The following SV2C variants were observed in gnomAD, a reference collection of about 807,000 sequenced individuals.
SV2C encodes synaptic vesicle glycoprotein 2C.
SV2C carries 49 observed loss-of-function variants against 79.7 expected under a neutral mutation model. The ratio of observed to expected loss-of-function variants is 0.61; its 90% CI spans 0.49 to 0.78. The LOEUF (loss-of-function observed/expected upper bound fraction) is 0.78. Among genes scored for constraint, SV2C ranks in the 30% least tolerant of loss-of-function variants. SV2C has a pLI of 0.00. For missense variants in SV2C, 833 were observed against 912.9 expected, an observed-to-expected ratio of 0.91 and a Z score of 1.13; for synonymous variants, 334 against 333.2, an observed-to-expected ratio of 1.00 and a Z score of -0.03.
chr5:76,210,105 G>T (rs1744726169), intron 4 of SV2C, among the ~76,000 whole-genome samples: 1 of 152,156 alleles, frequency 6.6e-6, no homozygotes, highest in South Asian at 2.1e-4. Flanking sequence ...TGTAATGGGG[G>T]GAAAATATTT....
At chr5:75,888,752 C>T in the SV2C span, among the ~76,000 whole-genome samples, 1 of 152,118 alleles carries the variant, frequency 6.6e-6, no homozygotes, top group African/African-American at 2.4e-5. Context: ...CTTATCTGAC[C>T]CTTGCTAAAC....
intron 1 of SV2C, among the ~76,000 whole-genome samples, chr5:76,103,939 C>G (rs1288056308): frequency 6.6e-6 from 1 of 152,146 alleles, no homozygotes; most frequent in Non-Finnish European, 1.5e-5. Flanking sequence ...ACCAATATCC[C>G]TCATGAACAT....
chr5:76,187,002 T>C (rs1743940803), intron 2 of SV2C, among the ~76,000 whole-genome samples: 1 of 152,060 alleles, frequency 6.6e-6, no homozygotes, highest in African/African-American at 2.4e-5. Context: ...TCACCACTTT[T>C]CTCCCTCAGC....
intron 1 of SV2C, among the ~76,000 whole-genome samples, chr5:76,126,662 T>C (rs1748714609): frequency 6.6e-6 from 1 of 152,198 alleles, no homozygotes; most frequent in Non-Finnish European, 1.5e-5. Flanking sequence ...AGGGATGTTA[T>C]GAGCCCCTCT....
intron 3 of SV2C, among the ~76,000 whole-genome samples, chr5:76,202,591 C>T (rs1744485685): frequency 6.6e-6 from 1 of 152,134 alleles, no homozygotes; most frequent in South Asian, 2.1e-4. Flanking sequence ...ATATCTCTGG[C>T]CCCAGAGCAT....
intron 2 of SV2C, among the ~76,000 whole-genome samples, chr5:76,164,503 G>A (rs1580319843): frequency 6.6e-6 from 1 of 152,314 alleles, no homozygotes; most frequent in East Asian, 1.9e-4. Flanking sequence ...TTTAACTTAT[G>A]TTGTCTCCAT....
the SV2C span, among the ~76,000 whole-genome samples, chr5:76,043,466 T>C: frequency 1.3e-5 from 2 of 152,236 alleles, no homozygotes; most frequent in Non-Finnish European, 2.9e-5. Context: ...GATTCAAGTT[T>C]AGGCTGCAGG....
At chr5:76,193,229 C>T (rs927283890) in intron 2 of SV2C, among the ~76,000 whole-genome samples, 8 of 152,230 alleles carry the variant, frequency 5.3e-5, no homozygotes, top group South Asian at 2.1e-4. Flanking sequence ...ATTCTGCCTT[C>T]GTTTTTGATA....
At chr5:76,270,775 A>T (rs969064231) in intron 4 of SV2C, among the ~76,000 whole-genome samples, 175 of 146,748 alleles carry the variant, frequency 1.2e-3, no homozygotes, top group African/African-American at 3.7e-3. Flanking sequence ...TATTTTTATT[A>T]TTTTTTTTTT....
At chr5:76,020,482 G>T in the SV2C span, among the ~76,000 whole-genome samples, 77 of 152,260 alleles carry the variant, frequency 5.1e-4, no homozygotes, top group African/African-American at 1.8e-3. Context: ...TTCATAGGTC[G>T]CATGATCATT....
rs574016878 is a variant in SV2C at position 76,153,631 on chromosome 5, G to A, written c.580+21301G>A. On this transcript the variant is annotated intron_variant, in intron 2 of 12. Coordinates refer to ENST00000502798, the MANE Select transcript of SV2C (RefSeq NM_014979.4). ...AGTAGGGCACCTAATTTTTACAGAT[G>A]CTATACCAAGGAGATTCAAAAGAAG... Among the ~76,000 whole-genome samples the A allele has an allele frequency of 3.3e-5, 5 of 152,296 alleles. No individual in the cohort carries two copies. The East Asian group carries it at 9.7e-4, about 29-fold the overall frequency.
At chr5:76,160,090 A>T (rs2112246884) in intron 2 of SV2C, among the ~76,000 whole-genome samples, 1 of 152,264 alleles carries the variant, frequency 6.6e-6, no homozygotes. Context: ...GACATTCATG[A>T]TCCTAGATTG....
chr5:75,963,160 A>G, the SV2C span, among the ~76,000 whole-genome samples: 8 of 152,254 alleles, frequency 5.3e-5, no homozygotes, highest in South Asian at 1.7e-3. Context: ...CGTCTTTCAT[A>G]TCATCCAAAA....
chr5:76,285,137 C>T (rs1186846485), intron 4 of SV2C, 25 bp from the exon 5 acceptor site: 2 of 1,612,510 alleles, frequency 1.2e-6, no homozygotes, highest in Middle Eastern at 1.7e-4. Context: ...AGCTCTCCCT[C>T]ACTCTCCGTG....
chr5:76,112,945 A>G (rs1478212340), intron 1 of SV2C, among the ~76,000 whole-genome samples: 4 of 152,346 alleles, frequency 2.6e-5, no homozygotes, highest in Admixed American at 6.5e-5. Flanking sequence ...TTTTAAGTTT[A>G]GCAAGTAAGG....
At chr5:75,871,196 A>AT in the SV2C span, among the ~76,000 whole-genome samples, 1 of 152,198 alleles carries the variant, frequency 6.6e-6, no homozygotes, top group African/African-American at 2.4e-5. Context: ...TTCAATGCCT[A>AT]TTTCTGGTTT....
chr5:75,967,443 G>A, the SV2C span, among the ~76,000 whole-genome samples: 9 of 152,164 alleles, frequency 5.9e-5, no homozygotes, highest in African/African-American at 1.9e-4. Context: ...GGTGATGGAC[G>A]GCACCTGGAA....
At chr5:76,194,785 T>C (rs1488411432) in intron 2 of SV2C, 134 bp from the exon 3 acceptor site, 49 of 1,073,024 alleles carry the variant, frequency 4.6e-5, no homozygotes, top group Non-Finnish European at 6.6e-5. Context: ...TACTGTGTCC[T>C]GAAGGTTATA....
the SV2C span, among the ~76,000 whole-genome samples, chr5:76,048,780 A>G: frequency 6.7e-6 from 1 of 148,564 alleles, no homozygotes; most frequent in Non-Finnish European, 1.5e-5. Flanking sequence ...AAGAGAAATC[A>G]ACCTGATGAA....
Sources: gnomAD v4.1 joint callset for allele counts (sites outside exome capture counted in the v4.1 genomes callset) on GRCh38, gnomAD v4.1.1 for gene constraint, MANE v1.5 for transcripts, NCBI Gene and HGNC (gene_info 2026-07-23, HGNC 2026-07-21) for gene names.